The following BBS12 variants were observed in gnomAD, a reference collection of about 807,000 sequenced individuals.
BBS12 encodes the protein Bardet-Biedl syndrome 12, also known as chaperonin-containing T-complex member BBS12.
BBS12 carries 5 observed loss-of-function variants against 5.6 expected under a neutral mutation model. The ratio of observed to expected loss-of-function variants is 0.89; its 90% CI spans 0.46 to 1.86. The LOEUF (loss-of-function observed/expected upper bound fraction) is 1.86. BBS12 is among the 40% of genes most tolerant of loss of function. The pLI is 0.01. For synonymous variants in BBS12, 308 were observed against 306.8 expected (o/e 1.00, Z -0.04); for missense variants, 748 against 830.4 (o/e 0.90, Z 1.22).
the BBS12 span, among the ~76,000 whole-genome samples, chr4:122,727,567 T>TTTTTTTTTTTTTTTTTA: frequency 9.7e-6 from 1 of 102,566 alleles, no homozygotes; most frequent in African/African-American, 5.0e-5. Context: ...TTTTTTTTTT[T>TTTTTTTTTTTTTTTTTA]GAGATGGAGT....
At chr4:122,710,889 G>A in the BBS12 span, among the ~76,000 whole-genome samples, 6 of 152,132 alleles carry the variant, frequency 3.9e-5, no homozygotes, top group South Asian at 2.1e-4. Context: ...CCACGGAAAT[G>A]AGAGCTGCAA....
chr4:122,741,559 A>G (rs1800873049), intron 1 of BBS12, among the ~76,000 whole-genome samples: 1 of 152,076 alleles, frequency 6.6e-6, no homozygotes, highest in Non-Finnish European at 1.5e-5. Context: ...TTTTTTTCAC[A>G]TATATGTACA....
the BBS12 span, among the ~76,000 whole-genome samples, chr4:122,715,960 A>C: frequency 6.6e-6 from 1 of 152,202 alleles, no homozygotes; most frequent in Non-Finnish European, 1.5e-5. Flanking sequence ...AAAGTGTTTC[A>C]ATGTCAAATA....
chr4:122,738,173 T>A (rs548772637), intron 1 of BBS12, among the ~76,000 whole-genome samples: 2 of 152,294 alleles, frequency 1.3e-5, no homozygotes, highest in Admixed American at 1.3e-4. Context: ...TAAATTAGAT[T>A]TCATCAAACA....
At chr4:122,714,652 A>G in the BBS12 span, among the ~76,000 whole-genome samples, 2 of 151,912 alleles carry the variant, frequency 1.3e-5, no homozygotes, top group Admixed American at 1.3e-4. Context: ...ATATACACAC[A>G]CACACACATA....
chr4:122,742,045 T>A lies in BBS12; in HGVS notation c.153T>A (p.Ser51Arg), dbSNP rs1180737858. The change falls in exon 2 of 2, where the codon AGT (serine) becomes AGA (arginine). Residue 51 changes from serine to arginine, a missense_variant. Ser to Arg is a moderately radical substitution (Grantham distance 110). Transcript: ENST00000314218. ...AATGTCATGAAAGTGTATTAATCAGTTCAACAGTAAGGCTTCTTGAAAGTT... is the reference window on the plus strand; with the variant it reads ...AATGTCATGAAAGTGTATTAATCAGATCAACAGTAAGGCTTCTTGAAAGTT... ...DEECHESVLI[S>R]STVRLLESLD... 6.2e-7 allele frequency: 1 copy of A among 1,614,172 alleles called. No homozygotes were observed. Among genetic ancestry groups the A allele is most frequent in the Non-Finnish European group, 8.5e-7 (1 of 1,180,016 alleles).
chr4:122,728,233 T>C (rs577373692), upstream of BBS12, among the ~76,000 whole-genome samples: 83 of 152,310 alleles, frequency 5.4e-4, no homozygotes, highest in African/African-American at 2.0e-3. Flanking sequence ...AAGCAAAACG[T>C]TGGAAACTAA....
chr4:122,707,148 A>G, the BBS12 span, among the ~76,000 whole-genome samples: 1 of 141,064 alleles, frequency 7.1e-6, no homozygotes, highest in African/African-American at 2.7e-5. Context: ...AGCAATCCTC[A>G]TGTGGCTTAT....
Position 122,742,817 on chromosome 4 carries a change from A to C in BBS12, c.925A>C (p.Met309Leu). The change falls in exon 2 of 2, where the codon ATG becomes CTG. Residue 309 changes from methionine (M) to leucine (L), a missense_variant. By Grantham distance (15) the Met-to-Leu change is conservative. Transcript: ENST00000314218. Reference sequence around the variant, plus strand: ...ACAAGGCAACTGTACAAAACCATTTATGTTTGACATTTCAAGAATTTTCAC... The same window carrying C: ...ACAAGGCAACTGTACAAAACCATTTCTGTTTGACATTTCAAGAATTTTCAC... ...VQQGNCTKPF[M>L]FDISRIFTCC... 6.2e-7 allele frequency: 1 copy of C among 1,614,200 alleles called. No homozygotes were observed. Among genetic ancestry groups the C allele is most frequent in the Non-Finnish European group, 8.5e-7 (1 of 1,180,024 alleles).
chr4:122,708,760 A>C, the BBS12 span, among the ~76,000 whole-genome samples: 5 of 152,150 alleles, frequency 3.3e-5, no homozygotes, highest in African/African-American at 1.2e-4. Flanking sequence ...TACAAGCTGT[A>C]TAACAAAACA....
At chr4:122,734,419 C>T (rs1472877809) in intron 1 of BBS12, among the ~76,000 whole-genome samples, 1 of 152,116 alleles carries the variant, frequency 6.6e-6, no homozygotes, top group Non-Finnish European at 1.5e-5. Context: ...GCGCCCGCCA[C>T]CGCGCCCGGC....
chr4:122,723,657 G>A, the BBS12 span, among the ~76,000 whole-genome samples: 30,917 of 152,126 alleles, frequency 0.2, 3,446 homozygotes, highest in Non-Finnish European at 0.23. Context: ...AACCTGGCAG[G>A]TGGTTAATTT....
Position 122,742,660 on chromosome 4 carries a change from T to C in BBS12, c.768T>C (p.Val256=). The C allele has an allele frequency of 6.2e-7, 1 of 1,614,266 alleles. No homozygotes were observed. Among genetic ancestry groups the C allele is most frequent in the Middle Eastern group, 1.6e-4 (1 of 6,062 alleles). ...AACCAGATGGATTTCAAGAACATGTTACAGCTACTCACAAAACTTACAGAT... is the reference window on the plus strand; with the variant it reads ...AACCAGATGGATTTCAAGAACATGTCACAGCTACTCACAAAACTTACAGAT... ...VSKPDGFQEH[V]TATHKTYRCN... The change falls in exon 2 of 2, where the codon GTT becomes GTC. Residue 256 remains valine, a synonymous_variant. Transcript: ENST00000314218.
chr4:122,716,262 TTC>T, the BBS12 span, among the ~76,000 whole-genome samples: 1 of 152,182 alleles, frequency 6.6e-6, no homozygotes, highest in African/African-American at 2.4e-5. Context: ...AATTTTGTAC[TTC>T]TTTTTATTTA....
the BBS12 span, among the ~76,000 whole-genome samples, chr4:122,718,054 GAAT>G: frequency 7.4e-4 from 113 of 152,242 alleles, no homozygotes; most frequent in African/African-American, 2.5e-3. Context: ...TGTAAAATCA[GAAT>G]GATGATAATA....
the BBS12 span, among the ~76,000 whole-genome samples, chr4:122,724,896 A>G: frequency 6.6e-6 from 1 of 152,248 alleles, no homozygotes; most frequent in African/African-American, 2.4e-5. Flanking sequence ...CCCTTACTCC[A>G]GTATGGGCTT....
the BBS12 span, among the ~76,000 whole-genome samples, chr4:122,701,952 C>T: frequency 6.6e-6 from 1 of 152,178 alleles, no homozygotes; most frequent in African/African-American, 2.4e-5. Flanking sequence ...CCCATCTCTG[C>T]TTCCTGTCCG....
chr4:122,707,076 T>TG, the BBS12 span, among the ~76,000 whole-genome samples: 1 of 143,608 alleles, frequency 7.0e-6, no homozygotes, highest in Non-Finnish European at 1.5e-5. Flanking sequence ...TTTTTTTTTT[T>TG]CAGAGAGAGA....
the BBS12 span, among the ~76,000 whole-genome samples, chr4:122,706,828 C>A: frequency 1.3e-5 from 2 of 152,150 alleles, no homozygotes; most frequent in Non-Finnish European, 2.9e-5. Flanking sequence ...AAACCATGTG[C>A]ATGTTCCATT....
Sources: gnomAD v4.1 joint callset for allele counts (sites outside exome capture counted in the v4.1 genomes callset) on GRCh38, gnomAD v4.1.1 for gene constraint, MANE v1.5 for transcripts, NCBI Gene and HGNC (gene_info 2026-07-23, HGNC 2026-07-21) for gene names.